POC1B: variants seen among roughly 807,000 people sequenced by gnomAD.
POC1B encodes the protein POC1 centriolar protein homolog B.
POC1B carries 44 observed loss-of-function variants against 60.6 expected under a neutral mutation model. The observed-to-expected ratio is 0.73, with a 90% confidence interval of 0.57 to 0.93. The LOEUF is 0.93. POC1B is among the 40% of genes least tolerant of loss of function. The pLI, the probability that POC1B is intolerant of heterozygous loss-of-function variation, is 0.00. For missense variants in POC1B, 555 were observed against 572.3 expected (o/e 0.97, Z 0.31); for synonymous variants, 180 against 198.9 (o/e 0.90, Z 0.80).
At chr12:89,449,782 TGATAATGGATCAAGAACAAACA>T (rs1255822299) in intron 10 of POC1B, among the ~76,000 whole-genome samples, 2 of 152,220 alleles carry the variant, frequency 1.3e-5, no homozygotes, top group East Asian at 3.9e-4. Context: ...TAAAAAGGTA[TGATAATGGATCAAGAACAAACA>T]GATAATGGAT....
At chr12:89,479,825 G>T (rs990753706) in intron 4 of POC1B, among the ~76,000 whole-genome samples, 3 of 152,070 alleles carry the variant, frequency 2.0e-5, no homozygotes, top group Admixed American at 6.5e-5. Flanking sequence ...CACTATCCAT[G>T]CACTGGGAGG....
intron 2 of POC1B, among the ~76,000 whole-genome samples, chr12:89,513,561 T>A (rs190546830): frequency 1.4e-4 from 21 of 152,354 alleles, no homozygotes; most frequent in African/African-American, 5.1e-4. Flanking sequence ...AGGCTTTTAC[T>A]GTTTGTTTAA....
intron 10 of POC1B, among the ~76,000 whole-genome samples, chr12:89,454,739 G>C (rs920761342): frequency 6.6e-6 from 1 of 152,040 alleles, no homozygotes; most frequent in African/African-American, 2.4e-5. Context: ...TTTCACCTTT[G>C]CATTCCCTGT....
At chr12:89,407,323 C>G in the POC1B span, among the ~76,000 whole-genome samples, 1 of 151,788 alleles carries the variant, frequency 6.6e-6, no homozygotes, top group Non-Finnish European at 1.5e-5. Context: ...GCCTCCGCCT[C>G]CCGGGTTCAA....
Position 89,462,199 on chromosome 12 carries a change from C to T in POC1B, c.1033-2481G>A, listed in dbSNP as rs183880018. 2.6e-5 allele frequency among the ~76,000 whole-genome samples: 4 copies of T among 152,238 alleles called. No individual in the cohort carries two copies. The East Asian group carries it at 7.7e-4, about 29-fold the overall frequency. On this transcript the variant is annotated intron_variant, in intron 9 of 11. Coordinates refer to ENST00000313546, the MANE Select transcript of POC1B (RefSeq NM_172240.3). Reference sequence around the variant, plus strand: ...CTTACTAAGTAACATTTATAGTCCTCTCCATAAAGAAAATATGCTGAGGGG... The same window carrying T: ...CTTACTAAGTAACATTTATAGTCCTTTCCATAAAGAAAATATGCTGAGGGG...
chr12:89,510,462 T>C (rs186900590), intron 2 of POC1B, among the ~76,000 whole-genome samples: 28 of 152,320 alleles, frequency 1.8e-4, no homozygotes, highest in Admixed American at 1.4e-3. Context: ...TCTCACAGTT[T>C]CCCACTCTGC....
At chr12:89,500,368 G>C (rs1408143029) in intron 2 of POC1B, 101 of 1,501,690 alleles carry the variant, frequency 6.7e-5, no homozygotes, top group Non-Finnish European at 1.5e-5. Flanking sequence ...CTTCAAGGAA[G>C]AAAGAAGCCT....
the POC1B span, among the ~76,000 whole-genome samples, chr12:89,405,780 C>A: frequency 1.3e-5 from 2 of 151,220 alleles, no homozygotes; most frequent in African/African-American, 4.9e-5. Context: ...CATGGTGAGA[C>A]CCTGTCTCTA....
chr12:89,513,444 G>A (rs1365864526), intron 2 of POC1B, among the ~76,000 whole-genome samples: 1 of 152,158 alleles, frequency 6.6e-6, no homozygotes, highest in Non-Finnish European at 1.5e-5. Flanking sequence ...TAACCTTGAA[G>A]GAAATAGAGG....
chr12:89,445,876 T>C (rs1051966003), intron 10 of POC1B, among the ~76,000 whole-genome samples: 7 of 151,988 alleles, frequency 4.6e-5, no homozygotes, highest in Non-Finnish European at 1.0e-4. Flanking sequence ...ACGGCTAATA[T>C]CCAGCATCTA....
chr12:89,516,197 C>G (rs1870433801), intron 2 of POC1B, among the ~76,000 whole-genome samples: 1 of 152,136 alleles, frequency 6.6e-6, no homozygotes, highest in Non-Finnish European at 1.5e-5. Context: ...TTTCATGATA[C>G]CCTACTATAA....
chr12:89,408,587 G>A, the POC1B span, among the ~76,000 whole-genome samples: 2 of 151,108 alleles, frequency 1.3e-5, no homozygotes, highest in Non-Finnish European at 2.9e-5. Context: ...CTGGGTTCAC[G>A]CCATTCTCCC....
intron 10 of POC1B, among the ~76,000 whole-genome samples, chr12:89,432,433 G>T (rs10777161): frequency 0.75 from 106,603 of 141,786 alleles, 40,167 homozygotes; most frequent in Middle Eastern, 0.82. Flanking sequence ...TAATCACATT[G>T]GCAAAGCCCT....
chr12:89,479,050 T>C (rs1883221973), intron 4 of POC1B, among the ~76,000 whole-genome samples: 1 of 152,226 alleles, frequency 6.6e-6, no homozygotes, highest in Admixed American at 6.5e-5. Flanking sequence ...TCAAATGATG[T>C]TTTCTTCATC....
chr12:89,436,558 A>G (rs1345677457), intron 10 of POC1B, among the ~76,000 whole-genome samples: 1 of 152,166 alleles, frequency 6.6e-6, no homozygotes, highest in African/African-American at 2.4e-5. Context: ...TACTAAAAAT[A>G]CAAAAATTAG....
At chr12:89,422,646 A>G (rs902976770) in intron 11 of POC1B, among the ~76,000 whole-genome samples, 7 of 152,228 alleles carry the variant, frequency 4.6e-5, no homozygotes, top group Admixed American at 1.3e-4. Context: ...CTCAATGTCT[A>G]TATCTATTAA....
chr12:89,518,961 A>C (rs1293158923), intron 2 of POC1B, among the ~76,000 whole-genome samples: 1 of 152,202 alleles, frequency 6.6e-6, no homozygotes, highest in Non-Finnish European at 1.5e-5. Flanking sequence ...TGTCTGGCCA[A>C]GGAGAGACAG....
At chr12:89,433,140 A>C (rs1169774451) in intron 10 of POC1B, among the ~76,000 whole-genome samples, 1 of 152,196 alleles carries the variant, frequency 6.6e-6, no homozygotes, top group African/African-American at 2.4e-5. Context: ...AAAGTGAAGA[A>C]ATAAAGACAG....
At chr12:89,422,712 GT>G (rs1260816132) in intron 11 of POC1B, among the ~76,000 whole-genome samples, 1 of 152,190 alleles carries the variant, frequency 6.6e-6, no homozygotes, top group African/African-American at 2.4e-5. Context: ...CATTCTGTTA[GT>G]TGGGATAACT....
Sources: allele counts gnomAD v4.1 joint callset (sites outside exome capture counted in the v4.1 genomes callset), GRCh38; gene constraint gnomAD v4.1.1; transcripts MANE v1.5; gene names NCBI Gene and HGNC (gene_info 2026-07-23, HGNC 2026-07-21).